The following CD2AP variants were observed in gnomAD, a reference collection of about 807,000 sequenced individuals.
The protein encoded by CD2AP is CD2-associated protein.
Under a neutral mutation model 85.1 loss-of-function variants are expected in CD2AP, and 46 were observed. The ratio of observed to expected loss-of-function variants is 0.54; its 90% confidence interval spans 0.43 to 0.69. The LOEUF (loss-of-function observed/expected upper bound fraction) is 0.69. CD2AP is among the 30% of genes least tolerant of loss of function. CD2AP has a pLI of 0.00. For synonymous variants in CD2AP, 255 were observed against 252.9 expected, an observed-to-expected ratio of 1.01 and a Z score of -0.08; for missense variants, 769 against 729.5, an observed-to-expected ratio of 1.05 and a Z score of -0.62.
rs374756150 is a variant in CD2AP, at chr6:47,502,653, C to T, written c.5-627C>T. Among the ~76,000 whole-genome samples the T allele has an allele frequency of 3.9e-5, 6 of 152,160 alleles. No homozygotes were observed. In the East Asian group the frequency reaches 5.8e-4, roughly 15 times the overall value. On this transcript the variant is annotated intron_variant, in intron 1 of 17. Transcript: ENST00000359314. ...GGATTACTGGCGCCCACCACCATGC[C>T]GGGCTAATTTTTGTATTTTTAGTAG...
In CD2AP at chr6:47,581,991, T is replaced by A. The variant is rs374501674; in HGVS notation, c.1046-12T>A. The A allele has an allele frequency of 6.3e-7, 1 of 1,581,034 alleles. No homozygotes were observed. Among genetic ancestry groups the A allele is most frequent in the African/African-American group, 1.3e-5 (1 of 74,398 alleles). ...TGTCTTCTTAAAAAAGTATTAATGT[T>A]TTTTCCCATAGCTCCAAAGCCTGAA... On this transcript the variant is annotated splice_polypyrimidine_tract_variant and intron_variant, in intron 10 of 17. Coordinates refer to ENST00000359314, the MANE Select transcript of CD2AP (RefSeq NM_012120.3).
At chr6:47,615,756 T>C (rs906278658) in intron 17 of CD2AP, among the ~76,000 whole-genome samples, 3 of 148,806 alleles carry the variant, frequency 2.0e-5, no homozygotes, top group African/African-American at 7.3e-5. Flanking sequence ...GCAATGGAGC[T>C]GAAATTTAAT....
intron 5 of CD2AP, among the ~76,000 whole-genome samples, chr6:47,556,712 C>T (rs1245652772): frequency 1.3e-5 from 2 of 152,116 alleles, no homozygotes; most frequent in Non-Finnish European, 2.9e-5. Context: ...TTTTCTTTAT[C>T]CAATCTAACA....
intron 4 of CD2AP, chr6:47,544,945 C>T (rs759313600): frequency 1.7e-4 from 65 of 378,880 alleles, no homozygotes; most frequent in African/African-American, 1.1e-3. Flanking sequence ...TAGTTAAGAA[C>T]GTAAACAAGC....
chr6:47,601,085 C>T (rs914449923), intron 13 of CD2AP, among the ~76,000 whole-genome samples: 27 of 151,198 alleles, frequency 1.8e-4, no homozygotes, highest in African/African-American at 4.4e-4. Flanking sequence ...TTCTTTTTTT[C>T]GAAACTTTTC....
At position 47,554,613 on chromosome 6, in the gene CD2AP, T is replaced by C. The variant is rs114032105; in HGVS notation, c.421-33T>C. 664 of 1,612,746 alleles carry C rather than the reference T, an allele frequency of 4.1e-4. 2 individuals are homozygous for C. In the African/African-American group the frequency reaches 7.9e-3, roughly 19 times the overall value. The stretch of plus-strand genomic sequence containing the variant: ...GGTGACGATTTTCACTTAACAGAAG[T>C]TGTTTTTGCTTTTGAATTGTGAACT... On this transcript the variant is annotated intron_variant, in intron 4 of 17. Coordinates refer to ENST00000359314, the MANE Select transcript of CD2AP (RefSeq NM_012120.3).
Position 47,558,350 on chromosome 6 carries a change from C to G in CD2AP, c.541+3584C>G, listed in dbSNP as rs1221889237. The stretch of plus-strand genomic sequence containing the variant: ...GCCTGATTGCCCTGGCCAGAACTTC[C>G]AATACCATGTTGAATAGGAGTGATG... On this transcript the variant is annotated intron_variant, in intron 5 of 17. Coordinates refer to ENST00000359314, the MANE Select transcript of CD2AP (RefSeq NM_012120.3). 2.0e-5 allele frequency among the ~76,000 whole-genome samples: 3 copies of G among 152,258 alleles called. No homozygotes were observed. In the East Asian group the frequency reaches 5.8e-4, roughly 29 times the overall value.
chr6:47,508,313 C>T (rs943419528), intron 2 of CD2AP, among the ~76,000 whole-genome samples: 23 of 152,238 alleles, frequency 1.5e-4, no homozygotes, highest in African/African-American at 5.1e-4. Context: ...TCTCTGTCAG[C>T]ACTAGCTGCT....
chr6:47,557,495 T>C (rs1446165170), intron 5 of CD2AP, among the ~76,000 whole-genome samples: 2 of 152,228 alleles, frequency 1.3e-5, no homozygotes, highest in African/African-American at 2.4e-5. Context: ...CTTGAGTTAA[T>C]TTTTGTATAA....
chr6:47,511,883 C>G (rs936963805), intron 2 of CD2AP, among the ~76,000 whole-genome samples: 15 of 84,334 alleles, frequency 1.8e-4, no homozygotes, highest in Admixed American at 5.0e-4. Context: ...AAAAATTGGC[C>G]GGGGGTGGCT....
At chr6:47,622,864 A>C (rs894291860) in intron 17 of CD2AP, among the ~76,000 whole-genome samples, 1 of 152,114 alleles carries the variant, frequency 6.6e-6, no homozygotes, top group Non-Finnish European at 1.5e-5. Flanking sequence ...CGCCATGATG[A>C]TCCCTGTCCA....
chr6:47,596,957 T>A (rs368757596), intron 12 of CD2AP, among the ~76,000 whole-genome samples: 41 of 152,230 alleles, frequency 2.7e-4, no homozygotes, highest in African/African-American at 9.9e-4. Flanking sequence ...TAAAGTTTAT[T>A]TTAATGTTGT....
At chr6:47,533,848 T>C in intron 3 of CD2AP, 93 bp downstream of exon 3, 1 of 1,269,240 alleles carries the variant, frequency 7.9e-7, no homozygotes, top group African/African-American at 1.5e-5. Flanking sequence ...TTCAGTCTTT[T>C]GTAGACAACT....
chr6:47,511,466 G>A (rs1766312241), intron 2 of CD2AP, among the ~76,000 whole-genome samples: 2 of 152,182 alleles, frequency 1.3e-5, no homozygotes, highest in Non-Finnish European at 2.9e-5. Context: ...AAGGACATTA[G>A]TGGAAAAATT....
intron 2 of CD2AP, 45 bp downstream of exon 2, chr6:47,503,485 T>G (rs758683074): frequency 6.8e-7 from 1 of 1,480,692 alleles, no homozygotes; most frequent in South Asian, 1.1e-5. Flanking sequence ...TCATAGGATT[T>G]AATCTTTAAA....
chr6:47,495,799 T>C (rs1765844283), intron 1 of CD2AP, among the ~76,000 whole-genome samples: 1 of 152,204 alleles, frequency 6.6e-6, no homozygotes, highest in Non-Finnish European at 1.5e-5. Context: ...AAAAATTTGT[T>C]TGTTCTTTCT....
At chr6:47,555,420 C>T (rs1767654842) in intron 5 of CD2AP, among the ~76,000 whole-genome samples, 1 of 151,574 alleles carries the variant, frequency 6.6e-6, no homozygotes, top group African/African-American at 2.4e-5. Flanking sequence ...ATGTTTTTCT[C>T]GATGGAAATG....
intron 2 of CD2AP, among the ~76,000 whole-genome samples, chr6:47,513,173 A>G (rs1403833650): frequency 6.6e-6 from 1 of 151,114 alleles, no homozygotes; most frequent in Non-Finnish European, 1.5e-5. Flanking sequence ...CTTTTAAAGT[A>G]ACCATCTGTA....
chr6:47,532,790 G>A (rs896151541), intron 2 of CD2AP, among the ~76,000 whole-genome samples: 1 of 152,058 alleles, frequency 6.6e-6, no homozygotes, highest in Non-Finnish European at 1.5e-5. Context: ...CAAATTTTTT[G>A]TGTATTTGAA....
Sources: gnomAD v4.1 joint callset for allele counts (sites outside exome capture counted in the v4.1 genomes callset) on GRCh38, gnomAD v4.1.1 for gene constraint, MANE v1.5 for transcripts, NCBI Gene and HGNC (gene_info 2026-07-23, HGNC 2026-07-21) for gene names.